Variants in FAM120B observed in about 807,000 individuals in gnomAD.
The protein encoded by FAM120B is constitutive coactivator of peroxisome proliferator-activated receptor gamma.
A neutral mutation model predicts 96.3 loss-of-function variants in FAM120B; 83 were observed. The ratio of observed to expected loss-of-function variants is 0.86; its 90% CI spans 0.72 to 1.03. The LOEUF (loss-of-function observed/expected upper bound fraction) is 1.03, where lower values mean the gene tolerates loss of function less well. Ranked by LOEUF, FAM120B falls within the 50% of genes least tolerant of loss-of-function variation. The pLI is 0.00. For synonymous variants in FAM120B, 407 were observed against 402.7 expected (o/e 1.01, Z -0.13); for missense variants, 1,027 against 1,121.2 (o/e 0.92, Z 1.20).
At chr6:170,309,037 G>A (rs1329269905) in intron 1 of FAM120B, among the ~76,000 whole-genome samples, 1 of 152,154 alleles carries the variant, frequency 6.6e-6, no homozygotes, top group Admixed American at 6.5e-5. Context: ...AAAGGTTGAT[G>A]TTAAGAAGGA....
chr6:170,315,902 C>G (rs1784868133), intron 1 of FAM120B, among the ~76,000 whole-genome samples: 1 of 148,648 alleles, frequency 6.7e-6, no homozygotes, highest in South Asian at 2.2e-4. Context: ...GACAACACAA[C>G]ATAGTGAGAT....
At chr6:170,327,461 A>G (rs1046345314) in intron 3 of FAM120B, among the ~76,000 whole-genome samples, 2 of 152,256 alleles carry the variant, frequency 1.3e-5, no homozygotes, top group African/African-American at 4.8e-5. Flanking sequence ...GTAAAAAAGC[A>G]GGCAGATTTG....
intron 1 of FAM120B, among the ~76,000 whole-genome samples, chr6:170,301,368 G>A (rs543983580): frequency 3.3e-5 from 5 of 152,380 alleles, no homozygotes; most frequent in African/African-American, 1.2e-4. Flanking sequence ...CAGAAAGGGG[G>A]GGCCTGGGCC....
At chr6:170,384,544 A>G (rs1249123094) in intron 6 of FAM120B, among the ~76,000 whole-genome samples, 1 of 152,350 alleles carries the variant, frequency 6.6e-6, no homozygotes, top group East Asian at 1.9e-4. Context: ...CATGAGAGGA[A>G]GAAGGGACAT....
At chr6:170,365,178 A>G (rs975154764) in intron 6 of FAM120B, among the ~76,000 whole-genome samples, 2 of 152,138 alleles carry the variant, frequency 1.3e-5, no homozygotes, top group Admixed American at 6.5e-5. Flanking sequence ...TTGAATACGT[A>G]TTTGTGTGTG....
In FAM120B at chr6:170,318,310, C is replaced by T. The variant is rs762494116; in HGVS notation, c.920C>T (p.Pro307Leu). 1.2e-6 allele frequency: 2 copies of T among 1,614,090 alleles called. No individual in the cohort carries two copies. Among genetic ancestry groups the T allele is most frequent in the East Asian group, 2.2e-5 (1 of 44,886 alleles). The change falls in exon 2 of 11, where the codon CCA becomes CTA. Residue 307 changes from proline (P) to leucine (L), a missense_variant. Pro to Leu is a moderately conservative substitution (Grantham distance 98). Coordinates refer to ENST00000476287, the MANE Select transcript of FAM120B (RefSeq NM_032448.3). ...AAAGGAATGGCATCATATCTTTTAC[C>T]AGGACAAAAATCTCCATGGTTTTTC... The part of the protein sequence containing the change: ...FYKGMASYLL[P>L]GQKSPWFFQK...
At chr6:170,328,924 T>TG (rs1785803381) in intron 3 of FAM120B, among the ~76,000 whole-genome samples, 1 of 152,220 alleles carries the variant, frequency 6.6e-6, no homozygotes. Context: ...CTGTGTCCAT[T>TG]GTGGCTTTTA....
At chr6:170,337,454 C>T (rs907934073) in intron 4 of FAM120B, among the ~76,000 whole-genome samples, 3 of 152,058 alleles carry the variant, frequency 2.0e-5, no homozygotes, top group African/African-American at 4.8e-5. Flanking sequence ...TGAGGATTTT[C>T]GCATCGATGT....
chr6:170,302,390 G>A (rs1424413238), upstream of FAM120B, among the ~76,000 whole-genome samples: 1 of 152,146 alleles, frequency 6.6e-6, no homozygotes, highest in Non-Finnish European at 1.5e-5. Context: ...GAGATTATAG[G>A]AACTACAGTT....
At chr6:170,324,121 A>G (rs912578316) in intron 3 of FAM120B, among the ~76,000 whole-genome samples, 2 of 152,236 alleles carry the variant, frequency 1.3e-5, no homozygotes, top group East Asian at 1.9e-4. Flanking sequence ...ATTTCCAGAC[A>G]TGTCAATATT....
chr6:170,358,128 G>A (rs551778807), intron 5 of FAM120B, 98 bp from the exon 6 acceptor site: 13 of 1,010,876 alleles, frequency 1.3e-5, no homozygotes, highest in Admixed American at 4.3e-5. Context: ...GCATGTTTGC[G>A]CCTATACACA....
upstream of FAM120B, among the ~76,000 whole-genome samples, chr6:170,304,778 C>T (rs1199597340): frequency 2.6e-5 from 4 of 152,064 alleles, no homozygotes; most frequent in African/African-American, 9.7e-5. Flanking sequence ...AGTCCTTCCT[C>T]TTCTAACCCT....
At chr6:170,341,164 C>A (rs1786798858) in intron 4 of FAM120B, among the ~76,000 whole-genome samples, 1 of 152,202 alleles carries the variant, frequency 6.6e-6, no homozygotes, top group African/African-American at 2.4e-5. Context: ...TCTATAAGCC[C>A]CTGACTGGGG....
chr6:170,348,600 T>A (rs1378561017), intron 5 of FAM120B, among the ~76,000 whole-genome samples: 1 of 152,198 alleles, frequency 6.6e-6, no homozygotes, highest in Non-Finnish European at 1.5e-5. Context: ...GACTAAACTT[T>A]CTCAAACTTT....
chr6:170,369,397 T>C (rs553138938), intron 6 of FAM120B, among the ~76,000 whole-genome samples: 9 of 152,202 alleles, frequency 5.9e-5, no homozygotes, highest in Non-Finnish European at 1.3e-4. Flanking sequence ...TTCACTGACT[T>C]TGCCCATAGT....
rs147463185 is a variant in FAM120B, at chr6:170,385,696, C to T, written c.2284-2591C>T. The stretch of plus-strand genomic sequence containing the variant: ...CCTGTACATAGAAGTTTCGGCAACC[C>T]TATTCATAACTACCAAAACTTGGAA... On this transcript the variant is annotated intron_variant, in intron 6 of 10. Coordinates refer to ENST00000476287, the MANE Select transcript of FAM120B (RefSeq NM_032448.3). Among the ~76,000 whole-genome samples the T allele has an allele frequency of 9.2e-4, 140 of 152,280 alleles. 1 individual carries two copies. In the Middle Eastern group the frequency reaches 0.014, roughly 15 times the overall value.
chr6:170,334,943 T>C (rs1786310789), intron 4 of FAM120B, among the ~76,000 whole-genome samples: 1 of 152,178 alleles, frequency 6.6e-6, no homozygotes, highest in Non-Finnish European at 1.5e-5. Context: ...TTTGTTTATA[T>C]ATGAATGAAT....
chr6:170,361,221 T>TACACAC (rs1280569220), intron 6 of FAM120B, among the ~76,000 whole-genome samples: 1 of 96,824 alleles, frequency 1.0e-5, no homozygotes, highest in African/African-American at 3.7e-5. Context: ...TATATATATA[T>TACACAC]ATATATATAT....
At chr6:170,367,591 C>T (rs960553946) in intron 6 of FAM120B, among the ~76,000 whole-genome samples, 1 of 152,176 alleles carries the variant, frequency 6.6e-6, no homozygotes, top group African/African-American at 2.4e-5. Flanking sequence ...CGCGGGGAGA[C>T]GGCAGGATGG....
Sources: gnomAD v4.1 joint callset for allele counts (sites outside exome capture counted in the v4.1 genomes callset) on GRCh38, gnomAD v4.1.1 for gene constraint, MANE v1.5 for transcripts, NCBI Gene and HGNC (gene_info 2026-07-23, HGNC 2026-07-21) for gene names.